The following PRKN variants were observed in gnomAD, a reference collection of about 807,000 sequenced individuals.
PRKN encodes the protein E3 ubiquitin-protein ligase parkin.
In PRKN, 56 loss-of-function variants were observed where a neutral mutation model predicts 59.5. The observed-to-expected ratio is 0.94, with a 90% CI of 0.76 to 1.18. PRKN has a LOEUF of 1.18. Among genes scored for constraint, PRKN ranks in the 50% most tolerant of loss-of-function variants. The probability of loss-of-function intolerance (pLI) is 0.00; values close to 1 mark genes in which losing one functional copy is unlikely to be tolerated. For synonymous variants in PRKN, 250 were observed against 222.1 expected (o/e 1.13, Z -1.12); for missense variants, 657 against 596.4 (o/e 1.10, Z -1.06).
rs1381367438 is a variant in PRKN, at chr6:161,460,992, C to T, written c.1084-74115G>A. 6.6e-6 allele frequency among the ~76,000 whole-genome samples: 1 copy of T among 151,934 alleles called. No individual in the cohort carries two copies. The highest frequency in any genetic ancestry group is 2.4e-5 in the African/African-American group (1 of 41,338). ...CAGGATGGTCTTGATCACCTGACCT[C>T]ATGATCTGCCTGCCTTGGCTTCCCA... On this transcript the variant is annotated intron_variant, in intron 9 of 11. Transcript: ENST00000366898. This position sits in a 1 kb window ranked among gnomAD's most constrained non-coding sequence, Gnocchi z 5.0.
intron 6 of PRKN, among the ~76,000 whole-genome samples, chr6:161,800,314 G>T (rs112755220): frequency 1.3e-5 from 2 of 152,216 alleles, no homozygotes; most frequent in African/African-American, 4.8e-5. Context: ...ACTACCATTT[G>T]CAGATTTCTC....
intron 2 of PRKN, among the ~76,000 whole-genome samples, chr6:162,274,263 T>C (rs983462442): frequency 3.3e-5 from 5 of 152,048 alleles, no homozygotes; most frequent in African/African-American, 9.7e-5. Flanking sequence ...TCAGGGCTCA[T>C]TGCAGTCTCG....
At chr6:161,799,198 G>A (rs919671869) in intron 6 of PRKN, among the ~76,000 whole-genome samples, 1 of 152,160 alleles carries the variant, frequency 6.6e-6, no homozygotes, top group Non-Finnish European at 1.5e-5. Context: ...GCTTATTCCT[G>A]TTCGAGGCTG....
At chr6:162,489,680 C>G (rs911847272) in intron 1 of PRKN, among the ~76,000 whole-genome samples, 3 of 152,164 alleles carry the variant, frequency 2.0e-5, no homozygotes, top group Non-Finnish European at 2.9e-5. Context: ...TTTCCCACCC[C>G]CTGGTCACTA....
chr6:162,342,788 T>G (rs1784239604), intron 2 of PRKN, among the ~76,000 whole-genome samples: 1 of 152,124 alleles, frequency 6.6e-6, no homozygotes, highest in Non-Finnish European at 1.5e-5. Context: ...GGTGATGATT[T>G]TAAAAAATAT....
chr6:162,136,779 C>T (rs534872263), intron 4 of PRKN, among the ~76,000 whole-genome samples: 19 of 152,206 alleles, frequency 1.2e-4, no homozygotes, highest in African/African-American at 4.1e-4. Flanking sequence ...ATTACTTCAG[C>T]GGATCAATTC....
intron 1 of PRKN, among the ~76,000 whole-genome samples, chr6:162,626,520 G>C (rs1028503573): frequency 6.6e-6 from 1 of 152,026 alleles, no homozygotes; most frequent in Non-Finnish European, 1.5e-5. Context: ...AAACTATCTG[G>C]ATATGGTGGC....
intron 2 of PRKN, among the ~76,000 whole-genome samples, chr6:162,266,306 GTGTGT>G (rs1780132354): frequency 2.0e-5 from 2 of 101,852 alleles, no homozygotes; most frequent in African/African-American, 4.2e-5. Flanking sequence ...TATTGTGTGT[GTGTGT>G]GTGTGTGTGT....
At chr6:161,605,825 A>G (rs1419749170) in intron 7 of PRKN, among the ~76,000 whole-genome samples, 3 of 152,036 alleles carry the variant, frequency 2.0e-5, no homozygotes, top group African/African-American at 7.2e-5. Context: ...ACCCTCTCTA[A>G]AGAACAATGC....
intron 2 of PRKN, among the ~76,000 whole-genome samples, chr6:162,332,954 T>C (rs1783653717): frequency 6.6e-6 from 1 of 152,168 alleles, no homozygotes; most frequent in Non-Finnish European, 1.5e-5. Context: ...TCTCCAAATA[T>C]TTTACCCTGC....
rs1787044979 is a variant in PRKN, at chr6:161,401,415, A to T, written c.1084-14538T>A. ...CACCTGAGGTTAGGAGTTTGAGACC[A>T]GCCTGGCCAACATGGTGAAACCGCA... On this transcript the variant is annotated intron_variant, in intron 9 of 11. Transcript: ENST00000366898. This position sits in a 1 kb window ranked among gnomAD's most constrained non-coding sequence, Gnocchi z 4.4. 6.6e-6 allele frequency among the ~76,000 whole-genome samples: 1 copy of T among 152,160 alleles called. No individual in the cohort carries two copies. Among genetic ancestry groups the T allele is most frequent in the Admixed American group, 6.5e-5 (1 of 15,288 alleles).
At chr6:162,106,595 A>G (rs1236325818) in intron 4 of PRKN, among the ~76,000 whole-genome samples, 1 of 152,248 alleles carries the variant, frequency 6.6e-6, no homozygotes, top group Non-Finnish European at 1.5e-5. Context: ...GGAGGAGAGC[A>G]GCATTCTATC....
intron 4 of PRKN, among the ~76,000 whole-genome samples, chr6:162,066,811 T>C (rs933812361): frequency 5.3e-5 from 8 of 152,204 alleles, no homozygotes; most frequent in Non-Finnish European, 1.2e-4. Context: ...CTTAATTGAA[T>C]CACTGATACA....
intron 2 of PRKN, among the ~76,000 whole-genome samples, chr6:162,351,849 T>C (rs1023213787): frequency 1.3e-5 from 2 of 152,084 alleles, no homozygotes; most frequent in Non-Finnish European, 2.9e-5. Context: ...TGTGTGTGTA[T>C]GGGTGTGTGT....
intron 5 of PRKN, among the ~76,000 whole-genome samples, chr6:162,045,112 G>A (rs1455301682): frequency 1.3e-5 from 2 of 152,068 alleles, no homozygotes; most frequent in African/African-American, 2.4e-5. Context: ...CTTGCTCTGC[G>A]GAATCTGAAT....
At chr6:161,690,958 A>AATTC (rs1785761298) in intron 7 of PRKN, among the ~76,000 whole-genome samples, 1 of 145,724 alleles carries the variant, frequency 6.9e-6, no homozygotes, top group South Asian at 2.3e-4. Context: ...TCGATTGAAC[A>AATTC]ATCCATCCAT....
At chr6:162,154,183 C>T (rs1339226319) in intron 4 of PRKN, among the ~76,000 whole-genome samples, 1 of 152,128 alleles carries the variant, frequency 6.6e-6, no homozygotes, top group African/African-American at 2.4e-5. Context: ...GTGGTCAAAG[C>T]CAGTGCTGCT....
intron 7 of PRKN, among the ~76,000 whole-genome samples, chr6:161,779,435 C>CTTTTT (rs1583153971): frequency 1.5e-4 from 6 of 40,426 alleles, no homozygotes; most frequent in African/African-American, 4.1e-4. Context: ...TTTTTCTTTT[C>CTTTTT]TTTTCTTTTT....
At chr6:161,707,151 A>G (rs1446976942) in intron 7 of PRKN, among the ~76,000 whole-genome samples, 1 of 152,210 alleles carries the variant, frequency 6.6e-6, no homozygotes, top group Non-Finnish European at 1.5e-5. Context: ...GCTAATTTCC[A>G]AGGGGATATT....
Sources: allele counts gnomAD v4.1 joint callset (sites outside exome capture counted in the v4.1 genomes callset), GRCh38; gene constraint gnomAD v4.1.1; non-coding constraint Gnocchi (gnomAD v3.1); transcripts MANE v1.5; gene names NCBI Gene and HGNC (gene_info 2026-07-23, HGNC 2026-07-21).